The following SEMA5A variants were observed in gnomAD, a reference collection of about 807,000 sequenced individuals.
SEMA5A encodes the protein semaphorin 5A.
In SEMA5A, 55 loss-of-function variants were observed where a neutral mutation model predicts 135.5. The observed-to-expected ratio is 0.41, with a 90% CI of 0.33 to 0.51. The LOEUF (loss-of-function observed/expected upper bound fraction) is 0.51. Among genes scored for constraint, SEMA5A ranks in the 20% least tolerant of loss-of-function variants. The probability of loss-of-function intolerance (pLI) is 0.37; values close to 1 mark genes in which losing one functional copy is unlikely to be tolerated. For synonymous variants in SEMA5A, 580 were observed against 546.5 expected, an observed-to-expected ratio of 1.06 and a Z score of -0.85; for missense variants, 1,290 against 1,419.9, an observed-to-expected ratio of 0.91 and a Z score of 1.47.
intron 16 of SEMA5A, among the ~76,000 whole-genome samples, chr5:9,066,848 G>C (rs972369507): frequency 1.3e-5 from 2 of 152,030 alleles, no homozygotes; most frequent in Non-Finnish European, 2.9e-5. Context: ...TCTCCAAAAG[G>C]AATCCCCACA....
At chr5:9,366,598 T>C (rs1432650728) in intron 3 of SEMA5A, among the ~76,000 whole-genome samples, 6 of 152,134 alleles carry the variant, frequency 3.9e-5, no homozygotes, top group East Asian at 1.9e-4. Context: ...CCGTGTTAGC[T>C]AGGACGGTCT....
intron 8 of SEMA5A, among the ~76,000 whole-genome samples, chr5:9,202,918 G>T (rs1428503814): frequency 6.6e-6 from 1 of 152,118 alleles, no homozygotes; most frequent in Admixed American, 6.5e-5. Flanking sequence ...GAAGAGTATG[G>T]GGATGGAGAC....
intron 5 of SEMA5A, among the ~76,000 whole-genome samples, chr5:9,270,503 A>C (rs1246084729): frequency 6.6e-6 from 1 of 152,104 alleles, no homozygotes; most frequent in Non-Finnish European, 1.5e-5. Context: ...CATAGGAAAC[A>C]ATAACAACTC....
At chr5:9,085,583 C>A (rs1483864078) in intron 16 of SEMA5A, among the ~76,000 whole-genome samples, 1 of 152,186 alleles carries the variant, frequency 6.6e-6, no homozygotes, top group Non-Finnish European at 1.5e-5. Flanking sequence ...GGTTTGGGAA[C>A]CTCCACCTAG....
chr5:9,176,750 C>T (rs1488232310), intron 11 of SEMA5A, among the ~76,000 whole-genome samples: 1 of 152,114 alleles, frequency 6.6e-6, no homozygotes, highest in Non-Finnish European at 1.5e-5. Context: ...TGGCCCCTGA[C>T]CCAAGGATGG....
chr5:9,332,865 A>G (rs1753218668), intron 4 of SEMA5A, among the ~76,000 whole-genome samples: 1 of 152,230 alleles, frequency 6.6e-6, no homozygotes, highest in Admixed American at 6.5e-5. Flanking sequence ...AATTATGATC[A>G]TTACCTGATC....
chr5:9,305,708 G>GTATATATATATA (rs146829804), intron 5 of SEMA5A, among the ~76,000 whole-genome samples: 1 of 139,228 alleles, frequency 7.2e-6, no homozygotes, highest in East Asian at 2.1e-4. Context: ...GTGTGTGTGC[G>GTATATATATATA]TATATATATA....
At chr5:9,079,022 T>A (rs1000170652) in intron 16 of SEMA5A, among the ~76,000 whole-genome samples, 3 of 152,082 alleles carry the variant, frequency 2.0e-5, no homozygotes, top group African/African-American at 7.2e-5. Flanking sequence ...ACTATAAATA[T>A]AAATAAAAAT....
At chr5:9,345,264 T>C (rs1341676932) in intron 3 of SEMA5A, among the ~76,000 whole-genome samples, 2 of 152,196 alleles carry the variant, frequency 1.3e-5, no homozygotes, top group African/African-American at 4.8e-5. Flanking sequence ...CATGTTTCTT[T>C]AGTTGTTCTA....
At chr5:9,543,334 A>G (rs138757171) in intron 1 of SEMA5A, among the ~76,000 whole-genome samples, 79 of 152,338 alleles carry the variant, frequency 5.2e-4, no homozygotes, top group African/African-American at 1.8e-3. Context: ...CTCGTGGTCA[A>G]TAAGTTTTAA....
intron 5 of SEMA5A, among the ~76,000 whole-genome samples, chr5:9,287,826 C>G (rs578115539): frequency 5.3e-5 from 8 of 151,996 alleles, no homozygotes; most frequent in Non-Finnish European, 1.2e-4. Context: ...TTTGCAAAGT[C>G]TTGCTCTAGC....
intron 11 of SEMA5A, among the ~76,000 whole-genome samples, chr5:9,166,495 C>T (rs936376614): frequency 1.3e-5 from 2 of 152,194 alleles, no homozygotes; most frequent in African/African-American, 4.8e-5. Context: ...GAGTTTGCTG[C>T]TATTCTTTTC....
chr5:9,437,603 C>A (rs1758078891), intron 2 of SEMA5A, among the ~76,000 whole-genome samples, 153 bp downstream of exon 2: 1 of 152,232 alleles, frequency 6.6e-6, no homozygotes, highest in Admixed American at 6.5e-5. Flanking sequence ...CAGCCTGCCT[C>A]AGCCTCCCAA....
At chr5:9,501,495 T>C (rs910412575) in intron 1 of SEMA5A, among the ~76,000 whole-genome samples, 1 of 152,158 alleles carries the variant, frequency 6.6e-6, no homozygotes, top group Admixed American at 6.5e-5. Context: ...AGAAAGAGCA[T>C]TAAGTGGGCA....
intron 3 of SEMA5A, among the ~76,000 whole-genome samples, chr5:9,372,808 A>G: frequency 6.6e-6 from 1 of 152,244 alleles, no homozygotes; most frequent in East Asian, 1.9e-4. Flanking sequence ...GTGGACACAC[A>G]TGGAGCCTAG....
At chr5:9,243,194 C>T (rs1054583862) in intron 5 of SEMA5A, among the ~76,000 whole-genome samples, 4 of 152,248 alleles carry the variant, frequency 2.6e-5, no homozygotes, top group Middle Eastern at 3.4e-3. Context: ...GGGTTGAATC[C>T]GACTGAAAAC....
At chr5:9,046,359 C>T (rs1736253021) in intron 21 of SEMA5A, among the ~76,000 whole-genome samples, 1 of 152,218 alleles carries the variant, frequency 6.6e-6, no homozygotes, top group South Asian at 2.1e-4. Context: ...TGAGAAGAGC[C>T]TGGGTGCATC....
chr5:9,199,426 G>C (rs553226088), intron 9 of SEMA5A, among the ~76,000 whole-genome samples: 1 of 152,076 alleles, frequency 6.6e-6, no homozygotes, highest in Non-Finnish European at 1.5e-5. Flanking sequence ...TGCCCTCCCC[G>C]CTCTTCCTAG....
At chr5:9,521,504 TC>T (rs1736831851) in intron 1 of SEMA5A, among the ~76,000 whole-genome samples, 1 of 151,764 alleles carries the variant, frequency 6.6e-6, no homozygotes, top group Non-Finnish European at 1.5e-5. Flanking sequence ...AAATAATGAT[TC>T]CAGAATAAAA....
Sources: allele counts gnomAD v4.1 joint callset (sites outside exome capture counted in the v4.1 genomes callset), GRCh38; gene constraint gnomAD v4.1.1; transcripts MANE v1.5; gene names NCBI Gene and HGNC (gene_info 2026-07-23, HGNC 2026-07-21).